The following NTM variants were observed in gnomAD, a reference collection of about 807,000 sequenced individuals.
NTM encodes the protein neurotrimin.
A neutral mutation model predicts 42.1 loss-of-function variants in NTM; 13 were observed. That is an observed-to-expected ratio of 0.31 (90% CI 0.20 to 0.49). The LOEUF (loss-of-function observed/expected upper bound fraction) is 0.49. Among genes scored for constraint, NTM ranks in the 20% least tolerant of loss-of-function variants. NTM has a pLI of 0.99. For synonymous variants in NTM, 187 were observed against 179.2 expected (o/e 1.04, Z -0.35); for missense variants, 373 against 452.8 (o/e 0.82, Z 1.60).
intron 4 of NTM, among the ~76,000 whole-genome samples, chr11:132,220,317 G>A (rs2084883525): frequency 6.6e-6 from 1 of 152,152 alleles, no homozygotes; most frequent in Non-Finnish European, 1.5e-5. Context: ...AAAAGCAGAG[G>A]AAGACATTTA....
chr11:131,767,072 T>G, intron 1 of NTM: 6 of 737,836 alleles, frequency 8.1e-6, no homozygotes, highest in Non-Finnish European at 9.9e-6. Flanking sequence ...TCTCTGTGTG[T>G]GTCTGCTTTT....
intron 1 of NTM, among the ~76,000 whole-genome samples, chr11:131,570,251 C>T (rs1352975503): frequency 1.3e-5 from 2 of 152,134 alleles, no homozygotes; most frequent in Non-Finnish European, 2.9e-5. Context: ...ATTTGTAAGG[C>T]CCCCAGGAAG....
In NTM at chr11:132,003,940, T is replaced by C. The variant is rs2070073364; in HGVS notation, c.167+92292T>C. Among the ~76,000 whole-genome samples the C allele has an allele frequency of 6.6e-6, 1 of 152,242 alleles. No homozygotes were observed. Among genetic ancestry groups the C allele is most frequent in the Non-Finnish European group, 1.5e-5 (1 of 68,046 alleles). ...CACTCGATGGCCCAGAGCCCCATCC[T>C]CATTGTTCAGGTTTCATCGTCTCCT... On this transcript the variant is annotated intron_variant, in intron 2 of 8. Transcript: ENST00000683400. This position sits in a 1 kb window ranked among gnomAD's most constrained non-coding sequence, Gnocchi z 6.0.
chr11:131,630,430 C>T (rs181514381), intron 1 of NTM, among the ~76,000 whole-genome samples: 62 of 148,212 alleles, frequency 4.2e-4, no homozygotes, highest in African/African-American at 1.5e-3. Context: ...TTCAAGTTTG[C>T]TTTGACTTTT....
intron 1 of NTM, among the ~76,000 whole-genome samples, chr11:131,451,843 T>TGGCCTGCAAGGAGACCATTTG (rs1950512472): frequency 6.6e-6 from 1 of 152,010 alleles, no homozygotes; most frequent in African/African-American, 2.4e-5. Flanking sequence ...GCACACACAG[T>TGGCCTGCAAGGAGACCATTTG]GGCCTGCAAG....
At chr11:132,047,676 A>G (rs150983814) in intron 2 of NTM, among the ~76,000 whole-genome samples, 3 of 152,330 alleles carry the variant, frequency 2.0e-5, no homozygotes, top group Admixed American at 1.3e-4. Flanking sequence ...CAGGCAGGGC[A>G]GTTTGCAAGC....
In NTM at chr11:132,295,479, G is replaced by A. The variant is rs74652599; in HGVS notation, c.527-12210G>A. On this transcript the variant is annotated intron_variant, in intron 4 of 8. Coordinates refer to ENST00000683400, the MANE Select transcript of NTM (RefSeq NM_001352005.2). ...ACATATATAAATAAATAACAATACCGTGTGATTAGCAATGCTAGAGAAACA... is the reference window on the plus strand; with the variant it reads ...ACATATATAAATAAATAACAATACCATGTGATTAGCAATGCTAGAGAAACA... Among the ~76,000 whole-genome samples the A allele has an allele frequency of 8.1e-3, 1,229 of 152,214 alleles. 8 individuals carry two copies. Among genetic ancestry groups the A allele is most frequent in the African/African-American group, 0.015 (609 of 41,530 alleles).
intron 7 of NTM, among the ~76,000 whole-genome samples, chr11:132,321,465 A>G (rs559295033): frequency 2.7e-4 from 41 of 152,258 alleles, no homozygotes; most frequent in Admixed American, 1.4e-3. Flanking sequence ...AGCGAGAAGG[A>G]AAGTTTAGAG....
At chr11:131,531,136 C>A (rs1183012154) in intron 1 of NTM, among the ~76,000 whole-genome samples, 1 of 152,202 alleles carries the variant, frequency 6.6e-6, no homozygotes, top group East Asian at 1.9e-4. Flanking sequence ...CAGACCAGAG[C>A]CAGAATTTTT....
chr11:131,560,775 A>G (rs1288962851), intron 1 of NTM, among the ~76,000 whole-genome samples: 1 of 152,186 alleles, frequency 6.6e-6, no homozygotes, highest in Non-Finnish European at 1.5e-5. Context: ...TGTTGAATCT[A>G]TTACTTACTG....
intron 2 of NTM, among the ~76,000 whole-genome samples, chr11:131,916,556 A>G (rs183548532): frequency 6.6e-6 from 1 of 152,242 alleles, no homozygotes; most frequent in African/African-American, 2.4e-5. Context: ...ACACAGACTA[A>G]ATGTGGTTTT....
At chr11:132,071,508 C>G (rs1009411074) in intron 2 of NTM, among the ~76,000 whole-genome samples, 4 of 152,206 alleles carry the variant, frequency 2.6e-5, no homozygotes, top group African/African-American at 9.7e-5. Flanking sequence ...ATGTTCCCTT[C>G]CTATCAGTGA....
chr11:132,028,306 A>G (rs776746885), intron 2 of NTM, among the ~76,000 whole-genome samples: 1 of 150,430 alleles, frequency 6.6e-6, no homozygotes, highest in Non-Finnish European at 1.5e-5. Context: ...AAAGCCAGAC[A>G]TGATATACTG....
chr11:131,904,696 G>A (rs2053616736), intron 1 of NTM, among the ~76,000 whole-genome samples: 1 of 152,198 alleles, frequency 6.6e-6, no homozygotes, highest in African/African-American at 2.4e-5. Flanking sequence ...TGGGATGGAG[G>A]TGTCCTGTCT....
intron 1 of NTM, among the ~76,000 whole-genome samples, chr11:131,620,932 AAATG>A (rs537795167): frequency 6.6e-6 from 1 of 152,242 alleles, no homozygotes; most frequent in Admixed American, 6.5e-5. Context: ...GCTACTTCTT[AAATG>A]AATGAATGAA....
intron 1 of NTM, among the ~76,000 whole-genome samples, chr11:131,697,715 G>T (rs1399237868): frequency 6.6e-6 from 1 of 152,090 alleles, no homozygotes; most frequent in Admixed American, 6.5e-5. Context: ...TTTAATTTAT[G>T]TATTTGATTC....
chr11:131,677,114 T>C (rs2071565483), intron 1 of NTM, among the ~76,000 whole-genome samples: 1 of 152,206 alleles, frequency 6.6e-6, no homozygotes, highest in African/African-American at 2.4e-5. Flanking sequence ...CACGGTGGGA[T>C]AGGAGGAACT....
chr11:131,753,182 A>C (rs1256482046), intron 1 of NTM, among the ~76,000 whole-genome samples: 6 of 152,198 alleles, frequency 3.9e-5, no homozygotes, highest in East Asian at 1.9e-4. Context: ...AAATCAAAAC[A>C]ACAATGAGAT....
At chr11:131,514,569 G>GATTT (rs890335902) in intron 1 of NTM, among the ~76,000 whole-genome samples, 123 of 152,068 alleles carry the variant, frequency 8.1e-4, no homozygotes, top group African/African-American at 2.3e-3. Context: ...TTTGTTTTGT[G>GATTT]ATTTATTTAT....
Sources: gnomAD v4.1 joint callset for allele counts (sites outside exome capture counted in the v4.1 genomes callset) on GRCh38, gnomAD v4.1.1 for gene constraint, Gnocchi (gnomAD v3.1) non-coding constraint, MANE v1.5 for transcripts, NCBI Gene and HGNC (gene_info 2026-07-23, HGNC 2026-07-21) for gene names.